Variants in AKT3 observed in about 807,000 individuals in gnomAD.
AKT3 encodes AKT serine/threonine kinase 3.
A neutral mutation model predicts 65.3 loss-of-function variants in AKT3; 15 were observed. The ratio of observed to expected loss-of-function variants is 0.23; its 90% confidence interval spans 0.15 to 0.35. The LOEUF is 0.35. Ranked by LOEUF, AKT3 falls within the 10% of genes least tolerant of loss-of-function variation. The pLI is 1.00. For missense variants in AKT3, 243 were observed against 576.5 expected, an observed-to-expected ratio of 0.42 and a Z score of 5.92; for synonymous variants, 206 against 183.8, an observed-to-expected ratio of 1.12 and a Z score of -0.98.
intron 8 of AKT3, among the ~76,000 whole-genome samples, chr1:243,589,176 G>A (rs954683069): frequency 1.1e-4 from 16 of 151,598 alleles, no homozygotes; most frequent in Admixed American, 8.5e-4. Flanking sequence ...CGTGGTGGCA[G>A]GCACCTGTAA....
chr1:243,793,707 G>A (rs1216895731), intron 2 of AKT3: 1 of 151,584 alleles, frequency 6.6e-6, no homozygotes, highest in Non-Finnish European at 1.5e-5. Flanking sequence ...AGGAGATCAA[G>A]GCTGCAGTGA....
chr1:243,668,980 A>C (rs569042651), intron 3 of AKT3, among the ~76,000 whole-genome samples: 20 of 152,298 alleles, frequency 1.3e-4, no homozygotes, highest in African/African-American at 4.8e-4. Flanking sequence ...AAAACACAAA[A>C]TATATATTCC....
intron 1 of AKT3, among the ~76,000 whole-genome samples, chr1:243,846,495 T>TA (rs1483260120): frequency 1.3e-5 from 2 of 152,220 alleles, no homozygotes; most frequent in Admixed American, 6.5e-5. Flanking sequence ...GAAACAGAAC[T>TA]AAAAAACACA....
At chr1:243,735,417 T>C (rs1490747528) in intron 2 of AKT3, among the ~76,000 whole-genome samples, 3 of 152,236 alleles carry the variant, frequency 2.0e-5, no homozygotes, top group South Asian at 4.1e-4. Context: ...GACTGAAACA[T>C]CATTCTGCAC....
intron 2 of AKT3, among the ~76,000 whole-genome samples, chr1:243,769,199 A>T (rs184965555): frequency 1.4e-4 from 22 of 152,216 alleles, no homozygotes; most frequent in African/African-American, 5.3e-4. Context: ...AATAATCATA[A>T]TTTGCTTATC....
intron 2 of AKT3, among the ~76,000 whole-genome samples, chr1:243,801,988 A>G (rs1692406828): frequency 6.6e-6 from 1 of 152,192 alleles, no homozygotes; most frequent in Admixed American, 6.5e-5. Context: ...TTCCTATAGG[A>G]TAAAAACAAT....
intron 8 of AKT3, among the ~76,000 whole-genome samples, chr1:243,584,348 A>G (rs1675639144): frequency 6.6e-6 from 1 of 152,170 alleles, no homozygotes; most frequent in African/African-American, 2.4e-5. Flanking sequence ...AAAAAGTCCC[A>G]AACAAGACGG....
At chr1:243,583,195 T>TATATATATATACAC (rs759291565) in intron 8 of AKT3, among the ~76,000 whole-genome samples, 14 of 88,282 alleles carry the variant, frequency 1.6e-4, no homozygotes, top group African/African-American at 6.6e-4. Flanking sequence ...TATATATATA[T>TATATATATATACAC]ACACACACAC....
At chr1:243,704,503 T>C (rs993601997) in intron 2 of AKT3, among the ~76,000 whole-genome samples, 4 of 152,194 alleles carry the variant, frequency 2.6e-5, no homozygotes, top group Non-Finnish European at 4.4e-5. Context: ...CAGAATGTCA[T>C]ACTGGGGATG....
At chr1:243,703,549 C>T (rs1289378914) in intron 2 of AKT3, among the ~76,000 whole-genome samples, 3 of 151,870 alleles carry the variant, frequency 2.0e-5, no homozygotes, top group Non-Finnish European at 4.4e-5. Flanking sequence ...TCACTTGAGG[C>T]CAGGAGTCAG....
chr1:243,527,934 C>G (rs1188433908), intron 12 of AKT3, among the ~76,000 whole-genome samples: 39 of 29,100 alleles, frequency 1.3e-3, no homozygotes, highest in Non-Finnish European at 1.8e-3. Flanking sequence ...CACACACACA[C>G]ACAGAGAGAG....
chr1:243,849,322 G>A lies in AKT3; in HGVS notation c.-113+718C>T, dbSNP rs545626978. Reference sequence around the variant, plus strand: ...TCTATTCTTAGCACACAACTCCCAAGCGGATCAAAACCCCACTACTATTAA... The same window carrying A: ...TCTATTCTTAGCACACAACTCCCAAACGGATCAAAACCCCACTACTATTAA... On this transcript the variant is annotated intron_variant, in intron 1 of 13. Coordinates refer to ENST00000673466, the MANE Select transcript of AKT3 (RefSeq NM_005465.7). 2.0e-5 allele frequency among the ~76,000 whole-genome samples: 3 copies of A among 152,118 alleles called. No homozygotes were observed. In the South Asian group the frequency reaches 6.2e-4, roughly 32 times the overall value.
chr1:243,678,817 T>C (rs1683711941), intron 3 of AKT3, among the ~76,000 whole-genome samples: 1 of 152,156 alleles, frequency 6.6e-6, no homozygotes, highest in African/African-American at 2.4e-5. Context: ...GAAGTAAAGT[T>C]TTCTTTCTTT....
At chr1:243,519,764 T>TA (rs1382535277) in intron 12 of AKT3, among the ~76,000 whole-genome samples, 1 of 152,168 alleles carries the variant, frequency 6.6e-6, no homozygotes, top group Admixed American at 6.5e-5. Flanking sequence ...CCTTCTGACT[T>TA]ATTTTTCCCC....
chr1:243,718,809 G>A (rs1387544303), intron 2 of AKT3, among the ~76,000 whole-genome samples: 1 of 152,062 alleles, frequency 6.6e-6, no homozygotes, highest in Admixed American at 6.6e-5. Flanking sequence ...CTAGCAAAAT[G>A]AATTGATGAA....
At chr1:243,607,053 C>T (rs1053180818) in intron 8 of AKT3, among the ~76,000 whole-genome samples, 6 of 152,238 alleles carry the variant, frequency 3.9e-5, no homozygotes, top group African/African-American at 1.4e-4. Flanking sequence ...TGTGTGGAAA[C>T]ACTTGGATGA....
downstream of AKT3, among the ~76,000 whole-genome samples, chr1:243,495,474 G>T (rs968662859): frequency 6.6e-6 from 1 of 152,170 alleles, no homozygotes; most frequent in East Asian, 1.9e-4. Context: ...GGGCCCAGCC[G>T]GGCAGCCAGG....
intron 5 of AKT3, among the ~76,000 whole-genome samples, chr1:243,642,454 C>A (rs368444023): frequency 4.6e-5 from 7 of 152,150 alleles, no homozygotes; most frequent in African/African-American, 7.2e-5. Context: ...GGACTACAGG[C>A]GCCCGCCACC....
rs1255341596 is a variant in AKT3, at chr1:243,500,159, T to A, written c.*5090A>T. ...AAACACACCAAAAAGGCACATATTT[T>A]AACTAGGCCAAAGTATATTAAGGAC... On this transcript the variant is annotated 3_prime_UTR_variant, in exon 14 of 14. Coordinates refer to ENST00000673466, the MANE Select transcript of AKT3 (RefSeq NM_005465.7). 1 of 296,122 alleles carries A rather than the reference T, an allele frequency of 3.4e-6. No homozygotes were observed. Among genetic ancestry groups the A allele is most frequent in the Non-Finnish European group, 6.4e-6 (1 of 157,160 alleles). The allele number at this position is 296,122 out of a possible 1,614,324, so 18.3% of individuals were successfully genotyped here.
Sources: gnomAD v4.1 joint callset for allele counts (sites outside exome capture counted in the v4.1 genomes callset) on GRCh38, gnomAD v4.1.1 for gene constraint, MANE v1.5 for transcripts, NCBI Gene and HGNC (gene_info 2026-07-23, HGNC 2026-07-21) for gene names.